RNF41: variants seen among roughly 807,000 people sequenced by gnomAD.
The protein encoded by RNF41 is E3 ubiquitin-protein ligase NRDP1.
Under a neutral mutation model 33.0 loss-of-function variants are expected in RNF41, and 4 were observed. That is an observed-to-expected ratio of 0.12 (90% CI 0.06 to 0.28). The LOEUF (loss-of-function observed/expected upper bound fraction) is 0.28. RNF41 is among the 10% of genes least tolerant of loss of function. The pLI is 1.00. For missense variants in RNF41, 228 were observed against 432.6 expected (o/e 0.53, Z 4.19); for synonymous variants, 164 against 153.2 (o/e 1.07, Z -0.52).
chr12:56,217,313 G>A (rs932341619), intron 1 of RNF41, among the ~76,000 whole-genome samples: 4 of 151,708 alleles, frequency 2.6e-5, no homozygotes, highest in South Asian at 2.1e-4. Flanking sequence ...TTGGGAGGCC[G>A]AGGCGGGTGG....
chr12:56,208,457 C>G lies in RNF41; in HGVS notation c.363-159G>C, dbSNP rs1344401507. The G allele has an allele frequency of 6.0e-6, 4 of 665,312 alleles. No individual in the cohort carries two copies. The East Asian group carries it at 1.1e-4, about 19-fold the overall frequency. 41.2% of individuals were successfully genotyped at this position (665,312 alleles called of 1,614,324 possible). ...CCCTCTTGTTTATTCCCTTCACTTT[C>G]TTCGTCCAAGCTTCCTACTTGCCCC... On this transcript the variant is annotated intron_variant, in intron 4 of 6. Transcript: ENST00000345093.
rs1238170280 is a variant in RNF41 at position 56,210,442 on chromosome 12, G to T, written c.217C>A (p.Arg73=). 2 of 1,614,056 alleles carry T rather than the reference G, an allele frequency of 1.2e-6. No homozygotes were observed. The highest frequency in any genetic ancestry group is 3.3e-5 in the Admixed American group (2 of 60,002). The change falls in exon 4 of 7, where the codon CGG becomes AGG. Residue 73 remains arginine (R), a synonymous_variant. Coordinates refer to ENST00000345093, the MANE Select transcript of RNF41 (RefSeq NM_005785.4). ...ATCTGCAGCTTTGACAACATGTTCC[G>T]CATGATCCGAGGTACTGGGCGCAGA... ...AHLRPVPRIM[R]NMLSKLQIAC... is the part of the protein sequence containing the mutation.
At chr12:56,209,075 C>T (rs946314267) in intron 4 of RNF41, among the ~76,000 whole-genome samples, 4 of 147,016 alleles carry the variant, frequency 2.7e-5, no homozygotes, top group Non-Finnish European at 6.0e-5. Context: ...ATGTTGGCCA[C>T]GCTGGTCTTG....
At position 56,205,473 on chromosome 12, in the gene RNF41, T is replaced by A. The variant is rs1048994156; in HGVS notation, c.*974A>T. ...AGTTTCAAGTTTGATTTTTTTTTCT[T>A]TTTTCCTTTCTTAAAAAAAAAAAAA... On this transcript the variant is annotated 3_prime_UTR_variant, in exon 7 of 7. Transcript: ENST00000345093. The A allele has an allele frequency of 5.5e-5, 5 of 90,820 alleles. No individual in the cohort carries two copies. The highest frequency in any genetic ancestry group is 2.1e-4 in the African/African-American group (5 of 23,354). 5.6% of individuals were successfully genotyped at this position (90,820 alleles called of 1,614,324 possible).
chr12:56,207,083 C>A, intron 6 of RNF41: 1 of 1,340,854 alleles, frequency 7.5e-7, no homozygotes, highest in Non-Finnish European at 9.6e-7. Flanking sequence ...AGTTAGTGCT[C>A]TATGTTTAGT....
chr12:56,220,198 GGTTTT>G (rs928486718), intron 1 of RNF41, among the ~76,000 whole-genome samples: 1 of 151,802 alleles, frequency 6.6e-6, no homozygotes. Context: ...CTGAGGTCAG[GGTTTT>G]GTTTTGTTTT....
chr12:56,208,420 C>G, intron 4 of RNF41, 122 bp from the exon 5 acceptor site: 2 of 949,180 alleles, frequency 2.1e-6, no homozygotes, highest in East Asian at 5.2e-5. Flanking sequence ...TTCTAACATT[C>G]ATTTCAGGCC....
intron 2 of RNF41, among the ~76,000 whole-genome samples, chr12:56,215,229 GA>G (rs1565944725): frequency 2.6e-5 from 4 of 152,224 alleles, no homozygotes; most frequent in Admixed American, 6.5e-5. Flanking sequence ...GCCATGCTGT[GA>G]AAAGTCTGTG....
At chr12:56,220,391 A>G (rs1330757899) in intron 1 of RNF41, among the ~76,000 whole-genome samples, 1 of 150,660 alleles carries the variant, frequency 6.6e-6, no homozygotes, top group East Asian at 2.0e-4. Context: ...AATTTTTTAT[A>G]TTTTTAGTAG....
At chr12:56,220,340 A>G (rs897602845) in intron 1 of RNF41, among the ~76,000 whole-genome samples, 4 of 149,848 alleles carry the variant, frequency 2.7e-5, no homozygotes, top group Non-Finnish European at 5.9e-5. Context: ...TCAGCTTCCC[A>G]AGTAGCTGGG....
intron 2 of RNF41, 37 bp downstream of exon 2, chr12:56,216,391 TG>T (rs1012068444): frequency 1.3e-5 from 2 of 152,192 alleles, no homozygotes; most frequent in African/African-American, 4.8e-5. Flanking sequence ...AGAAGAGGGT[TG>T]AGGCCTGGAA....
At chr12:56,213,752 TG>T (rs1257794555) in intron 3 of RNF41, among the ~76,000 whole-genome samples, 1 of 152,156 alleles carries the variant, frequency 6.6e-6, no homozygotes, top group African/African-American at 2.4e-5. Context: ...TCTGAACCAC[TG>T]GATCTCTGTG....
At chr12:56,213,932 C>T (rs759226697) in intron 3 of RNF41, 26 bp downstream of exon 3, 3 of 1,516,752 alleles carry the variant, frequency 2.0e-6, no homozygotes, top group Admixed American at 1.7e-5. Flanking sequence ...TGTTGCCCCA[C>T]CAAACCTGCC....
Position 56,213,938 on chromosome 12 carries a change from C to G in RNF41, c.90+20G>C. On this transcript the variant is annotated intron_variant, in intron 3 of 6. Coordinates refer to ENST00000345093, the MANE Select transcript of RNF41 (RefSeq NM_005785.4). ...ACTGCTACCTGTTGCCCCACCAAAC[C>G]TGCCATCAGACCAACTCACCTGTAC... 6.4e-7 allele frequency: 1 copy of G among 1,556,014 alleles called. No homozygotes were observed. Among genetic ancestry groups the G allele is most frequent in the South Asian group, 1.1e-5 (1 of 89,898 alleles).
At chr12:56,220,246 A>C (rs1451530484) in intron 1 of RNF41, among the ~76,000 whole-genome samples, 1 of 150,788 alleles carries the variant, frequency 6.6e-6, no homozygotes, top group Non-Finnish European at 1.5e-5. Flanking sequence ...ACAGAGTCTC[A>C]CTCTGTTGCC....
At chr12:56,211,172 T>C (rs1868448583) in intron 3 of RNF41, among the ~76,000 whole-genome samples, 1 of 146,612 alleles carries the variant, frequency 6.8e-6, no homozygotes, top group African/African-American at 2.6e-5. Context: ...GCAATACATC[T>C]CGAAAAAAAA....
chr12:56,209,653 T>A (rs1273830089), intron 4 of RNF41, among the ~76,000 whole-genome samples: 3 of 152,112 alleles, frequency 2.0e-5, no homozygotes, highest in Non-Finnish European at 4.4e-5. Context: ...GAGACGGGGT[T>A]TCAATGTGTT....
At chr12:56,210,997 C>T (rs1271413086) in intron 3 of RNF41, among the ~76,000 whole-genome samples, 4 of 152,026 alleles carry the variant, frequency 2.6e-5, no homozygotes, top group Non-Finnish European at 5.9e-5. Context: ...CCAGCCTGAC[C>T]GACATGGTGA....
intron 1 of RNF41, among the ~76,000 whole-genome samples, chr12:56,221,303 G>T (rs1420614132): frequency 1.3e-5 from 2 of 152,138 alleles, no homozygotes; most frequent in African/African-American, 2.4e-5. Context: ...AGCGGGGAAG[G>T]AATGAGAGGA....
Sources: allele counts gnomAD v4.1 joint callset (sites outside exome capture counted in the v4.1 genomes callset), GRCh38; gene constraint gnomAD v4.1.1; transcripts MANE v1.5; gene names NCBI Gene and HGNC (gene_info 2026-07-23, HGNC 2026-07-21).